Variants in AKAP10 observed in about 807,000 individuals in gnomAD.
The protein encoded by AKAP10 is A-kinase anchoring protein 10.
A neutral mutation model predicts 80.8 loss-of-function variants in AKAP10; 24 were observed. That is an observed-to-expected ratio of 0.30 (90% confidence interval 0.22 to 0.42). The LOEUF is 0.42. Ranked by LOEUF, AKAP10 falls within the 10% of genes least tolerant of loss-of-function variation. The probability of loss-of-function intolerance (pLI) is 1.00; values close to 1 mark genes in which losing one functional copy is unlikely to be tolerated. For synonymous variants in AKAP10, 291 were observed against 277.7 expected, an observed-to-expected ratio of 1.05 and a Z score of -0.48; for missense variants, 661 against 794.9, an observed-to-expected ratio of 0.83 and a Z score of 2.03.
intron 5 of AKAP10, among the ~76,000 whole-genome samples, chr17:19,946,219 ATTTTATATATATATATAT>A (rs1178640058): frequency 1.2e-3 from 32 of 26,682 alleles, no homozygotes; most frequent in East Asian, 7.0e-3. Flanking sequence ...ATATATATAT[ATTTTATATATATATATAT>A]TATATATATA....
chr17:19,956,919 AGGAGGGAGGGAG>A (rs1185077411), intron 4 of AKAP10, among the ~76,000 whole-genome samples: 1 of 151,760 alleles, frequency 6.6e-6, no homozygotes, highest in South Asian at 2.1e-4. Flanking sequence ...GAGGGAAGGA[AGGAGGGAGGGAG>A]GGAGGAAGGA....
chr17:19,919,282 T>A (rs1363717926), intron 12 of AKAP10, among the ~76,000 whole-genome samples: 3 of 152,116 alleles, frequency 2.0e-5, no homozygotes, highest in African/African-American at 7.2e-5. Flanking sequence ...CTGCATAGTA[T>A]CCATGGTGTA....
intron 8 of AKAP10, among the ~76,000 whole-genome samples, chr17:19,937,148 T>G (rs905765078): frequency 1.3e-5 from 2 of 152,002 alleles, no homozygotes; most frequent in Non-Finnish European, 2.9e-5. Flanking sequence ...ATGGTTTCTA[T>G]GTCCTGACAG....
chr17:19,924,982 G>T (rs2042861112), intron 10 of AKAP10, among the ~76,000 whole-genome samples: 1 of 151,958 alleles, frequency 6.6e-6, no homozygotes. Context: ...TGGTCAATAT[G>T]GTGAAACCCA....
At position 19,939,797 on chromosome 17, in the gene AKAP10, T is replaced by C. The variant is rs1597505607; in HGVS notation, c.1238A>G (p.Asp413Gly). 5 of 1,614,098 alleles carry C rather than the reference T, an allele frequency of 3.1e-6. No homozygotes were observed. Among genetic ancestry groups the C allele is most frequent in the Non-Finnish European group, 3.4e-6 (4 of 1,180,000 alleles). ...GGCAGCAAGCTGAGACTGGAAGTTATCTGCTGCCAACCAGAATTGTAAGAT... is the reference window on the plus strand; with the variant it reads ...GGCAGCAAGCTGAGACTGGAAGTTACCTGCTGCCAACCAGAATTGTAAGAT... Reference protein sequence around the residue: ...VNILQFWLAADNFQSQLAAKK... With the variant: ...VNILQFWLAAGNFQSQLAAKK... The change falls in exon 8 of 15, where the codon GAT (aspartate) becomes GGT (glycine). Residue 413 changes from aspartate (D) to glycine (G), a missense_variant. By Grantham distance (94) the Asp-to-Gly change is moderately conservative. Transcript: ENST00000225737.
intron 9 of AKAP10, among the ~76,000 whole-genome samples, chr17:19,934,988 G>A (rs903921532): frequency 6.6e-6 from 1 of 152,162 alleles, no homozygotes; most frequent in African/African-American, 2.4e-5. Flanking sequence ...CTCCAGCCTG[G>A]ACAATGGAGT....
rs2042613296 is a variant in AKAP10, at chr17:19,904,509, T to A, written c.*1718A>T. ...ACCACATTTTATTCTATAACCTTTA[T>A]ATTGCTTTTCTGTTAAAGATTGAAG... On this transcript the variant is annotated 3_prime_UTR_variant, in exon 15 of 15. Transcript: ENST00000225737. 6.6e-6 allele frequency: 1 copy of A among 152,256 alleles called. No individual in the cohort carries two copies. Among genetic ancestry groups the A allele is most frequent in the African/African-American group, 2.4e-5 (1 of 41,472 alleles). 9.4% of individuals were successfully genotyped at this position (152,256 alleles called of 1,614,324 possible).
At chr17:19,941,528 C>A (rs1472879620) in intron 6 of AKAP10, among the ~76,000 whole-genome samples, 1 of 152,054 alleles carries the variant, frequency 6.6e-6, no homozygotes, top group Non-Finnish European at 1.5e-5. Flanking sequence ...TAAACCAATT[C>A]TAATAGTCAT....
At chr17:19,918,481 G>A (rs1386228955) in intron 12 of AKAP10, among the ~76,000 whole-genome samples, 2 of 152,170 alleles carry the variant, frequency 1.3e-5, no homozygotes, top group African/African-American at 4.8e-5. Context: ...ACAGGCATGT[G>A]CCACCACGCC....
chr17:19,943,516 C>T lies in AKAP10; in HGVS notation c.977-1606G>A, dbSNP rs143272375. Among the ~76,000 whole-genome samples the T allele has an allele frequency of 2.6e-3, 402 of 152,304 alleles. 1 individual carries two copies. Among genetic ancestry groups the T allele is most frequent in the African/African-American group, 9.1e-3 (380 of 41,564 alleles). ...ATCTGTAGAGGTTCTTGGAGGGTGG[C>T]ATGACCTGGAGAGTGCATGGAAGCT... On this transcript the variant is annotated intron_variant, in intron 5 of 14. Coordinates refer to ENST00000225737, the MANE Select transcript of AKAP10 (RefSeq NM_007202.4).
chr17:19,946,507 T>C (rs1419892984), intron 5 of AKAP10, among the ~76,000 whole-genome samples: 1 of 150,208 alleles, frequency 6.7e-6, no homozygotes, highest in Non-Finnish European at 1.5e-5. Flanking sequence ...CAAAGTTCTT[T>C]AGAAGTTAAA....
At chr17:19,955,281 A>G (rs1253301750) in intron 4 of AKAP10, among the ~76,000 whole-genome samples, 1 of 152,180 alleles carries the variant, frequency 6.6e-6, no homozygotes, top group African/African-American at 2.4e-5. Flanking sequence ...GAGAAAGATC[A>G]GCGGTTGCCA....
chr17:19,946,143 TA>T (rs1366076378), intron 5 of AKAP10, among the ~76,000 whole-genome samples: 1 of 125,228 alleles, frequency 8.0e-6, no homozygotes, highest in Non-Finnish European at 1.6e-5. Flanking sequence ...GTATATTATA[TA>T]TTAGTATATA....
At chr17:19,916,108 A>G (rs1237512607) in intron 12 of AKAP10, among the ~76,000 whole-genome samples, 2 of 152,130 alleles carry the variant, frequency 1.3e-5, no homozygotes, top group Non-Finnish European at 2.9e-5. Context: ...TTCACCAAGA[A>G]CACTCTTCCT....
intron 11 of AKAP10, among the ~76,000 whole-genome samples, chr17:19,924,152 T>C (rs1025862833): frequency 6.6e-6 from 1 of 152,164 alleles, no homozygotes; most frequent in Admixed American, 6.5e-5. Flanking sequence ...TTTCACTTTA[T>C]TATTCTCATT....
intron 4 of AKAP10, among the ~76,000 whole-genome samples, chr17:19,948,141 T>C (rs750320491): frequency 2.6e-5 from 4 of 152,116 alleles, no homozygotes; most frequent in Admixed American, 6.5e-5. Flanking sequence ...CTAATAAGTA[T>C]GTCAAGATGA....
chr17:19,973,948 A>C (rs1445591267), intron 1 of AKAP10, among the ~76,000 whole-genome samples: 1 of 152,248 alleles, frequency 6.6e-6, no homozygotes, highest in Non-Finnish European at 1.5e-5. Context: ...TCATGCCTGT[A>C]ATCCCAGCCT....
At chr17:19,945,000 G>A (rs2043088166) in intron 5 of AKAP10, among the ~76,000 whole-genome samples, 1 of 152,228 alleles carries the variant, frequency 6.6e-6, no homozygotes, top group African/African-American at 2.4e-5. Flanking sequence ...TAGTCCAACT[G>A]CAAGAGGAGA....
At chr17:19,951,062 C>T (rs2043199858) in intron 4 of AKAP10, among the ~76,000 whole-genome samples, 1 of 151,834 alleles carries the variant, frequency 6.6e-6, no homozygotes, top group Non-Finnish European at 1.5e-5. Context: ...GTGAGGAGCC[C>T]CTCCGCCCGG....
Sources: gnomAD v4.1 joint callset for allele counts (sites outside exome capture counted in the v4.1 genomes callset) on GRCh38, gnomAD v4.1.1 for gene constraint, MANE v1.5 for transcripts, NCBI Gene and HGNC (gene_info 2026-07-23, HGNC 2026-07-21) for gene names.